GPATCH2: variants seen among roughly 807,000 people sequenced by gnomAD.
GPATCH2 encodes the protein G-patch domain containing 2.
GPATCH2 carries 51 observed loss-of-function variants against 58.0 expected under a neutral mutation model. That is an observed-to-expected ratio of 0.88 (90% CI 0.70 to 1.11). The LOEUF (loss-of-function observed/expected upper bound fraction) is 1.11, where lower values mean the gene tolerates loss of function less well. Ranked by LOEUF, GPATCH2 falls within the 50% of genes most tolerant of loss-of-function variation. The pLI is 0.00. For synonymous variants in GPATCH2, 222 were observed against 218.5 expected (o/e 1.02, Z -0.14); for missense variants, 625 against 652.2 (o/e 0.96, Z 0.45).
chr1:217,618,168 A>C (rs899019151), intron 2 of GPATCH2, among the ~76,000 whole-genome samples: 2 of 151,912 alleles, frequency 1.3e-5, no homozygotes, highest in African/African-American at 4.8e-5. Context: ...TAAGAATGAC[A>C]ATTTTCTTGC....
At chr1:217,499,371 G>A (rs1400872884) in intron 6 of GPATCH2, among the ~76,000 whole-genome samples, 1 of 152,108 alleles carries the variant, frequency 6.6e-6, no homozygotes, top group Non-Finnish European at 1.5e-5. Context: ...CAAAATGTTA[G>A]CTTACTTGCA....
At chr1:217,611,107 C>A in intron 3 of GPATCH2, 36 bp from the exon 4 acceptor site, 1 of 1,566,748 alleles carries the variant, frequency 6.4e-7, no homozygotes, top group South Asian at 1.2e-5. Context: ...CCACCAAAGA[C>A]TCAGTTTTAT....
intron 7 of GPATCH2, among the ~76,000 whole-genome samples, chr1:217,494,426 A>C (rs1414355029): frequency 6.6e-6 from 1 of 152,192 alleles, no homozygotes; most frequent in African/African-American, 2.4e-5. Context: ...GTGTTACTTG[A>C]ACAACATGTA....
intron 8 of GPATCH2, among the ~76,000 whole-genome samples, chr1:217,489,719 G>A (rs889944426): frequency 3.9e-5 from 6 of 152,122 alleles, no homozygotes; most frequent in African/African-American, 1.4e-4. Flanking sequence ...AAAATTAGCC[G>A]GGTGTGGCGG....
intron 5 of GPATCH2, among the ~76,000 whole-genome samples, chr1:217,598,828 T>C (rs955211988): frequency 6.6e-6 from 1 of 152,242 alleles, no homozygotes; most frequent in Non-Finnish European, 1.5e-5. Flanking sequence ...CTGTATGTGC[T>C]AACAGGACTC....
Position 217,609,130 on chromosome 1 carries a change from A to G in GPATCH2, c.1098+1191T>C, listed in dbSNP as rs1051963325. On this transcript the variant is annotated intron_variant, in intron 5 of 9. Transcript: ENST00000366935. The stretch of plus-strand genomic sequence containing the variant: ...AGCTTAATAAAAATATCATTTTAAT[A>G]TAACCATTTTGAAGAACTCAAATGG... 3.4e-6 allele frequency: 3 copies of G among 880,394 alleles called. No individual in the cohort carries two copies. The African/African-American group carries it at 5.4e-5, about 16-fold the overall frequency. 54.5% of individuals were successfully genotyped at this position (880,394 alleles called of 1,614,324 possible). A position where few individuals can be genotyped will look rare whatever the true frequency, so the allele number is the denominator to read the frequency against.
intron 8 of GPATCH2, among the ~76,000 whole-genome samples, chr1:217,471,134 T>A (rs1317769040): frequency 2.0e-5 from 3 of 151,908 alleles, no homozygotes; most frequent in African/African-American, 4.8e-5. Flanking sequence ...AAATGTCGAG[T>A]GATAGAATTT....
intron 5 of GPATCH2, among the ~76,000 whole-genome samples, chr1:217,568,662 A>G (rs545464250): frequency 3.3e-5 from 5 of 152,316 alleles, no homozygotes; most frequent in African/African-American, 9.6e-5. Context: ...CAGTGTTGCT[A>G]GACAGAAATG....
chr1:217,542,993 T>G (rs746924998), intron 5 of GPATCH2, among the ~76,000 whole-genome samples: 44 of 152,296 alleles, frequency 2.9e-4, no homozygotes, highest in Non-Finnish European at 5.9e-4. Flanking sequence ...GCAGGTGGCA[T>G]CTGGGGACAA....
intron 6 of GPATCH2, among the ~76,000 whole-genome samples, chr1:217,502,780 A>C (rs564687501): frequency 1.3e-5 from 2 of 152,240 alleles, no homozygotes; most frequent in East Asian, 1.9e-4. Context: ...CAGGTTTACT[A>C]TCTTGTCTAT....
chr1:217,459,938 G>A (rs746374320), intron 8 of GPATCH2, among the ~76,000 whole-genome samples: 10 of 152,056 alleles, frequency 6.6e-5, no homozygotes, highest in African/African-American at 1.9e-4. Flanking sequence ...GGACAGATAC[G>A]TGCTAAGTTT....
At chr1:217,557,433 T>C (rs540279904) in intron 5 of GPATCH2, among the ~76,000 whole-genome samples, 1 of 147,306 alleles carries the variant, frequency 6.8e-6, no homozygotes, top group East Asian at 2.0e-4. Flanking sequence ...AAAAAAAAAA[T>C]TCCGTTCATT....
At chr1:217,537,604 C>G (rs1032002341) in intron 5 of GPATCH2, among the ~76,000 whole-genome samples, 2 of 152,106 alleles carry the variant, frequency 1.3e-5, no homozygotes, top group African/African-American at 2.4e-5. Context: ...ATTACCACAA[C>G]AAATGAAACC....
chr1:217,543,301 G>A (rs1369668702), intron 5 of GPATCH2, among the ~76,000 whole-genome samples: 2 of 132,258 alleles, frequency 1.5e-5, no homozygotes, highest in Non-Finnish European at 3.1e-5. Context: ...ACAGAGTCTC[G>A]CTCTGTCGCC....
intron 9 of GPATCH2, among the ~76,000 whole-genome samples, chr1:217,442,437 C>G (rs1406358857): frequency 2.0e-5 from 3 of 152,016 alleles, no homozygotes; most frequent in Non-Finnish European, 1.5e-5. Flanking sequence ...ATGTGTATAC[C>G]TATGTAACAA....
intron 8 of GPATCH2, among the ~76,000 whole-genome samples, chr1:217,478,261 A>C (rs1661054983): frequency 6.6e-6 from 1 of 152,186 alleles, no homozygotes; most frequent in South Asian, 2.1e-4. Context: ...AACACTTACA[A>C]GTATCAAGAC....
intron 5 of GPATCH2, among the ~76,000 whole-genome samples, chr1:217,588,589 C>T (rs1456704242): frequency 6.6e-6 from 1 of 152,026 alleles, no homozygotes; most frequent in Admixed American, 6.6e-5. Flanking sequence ...AATTAAATGT[C>T]CTTCAAAATG....
At chr1:217,562,805 C>T (rs1665994458) in intron 5 of GPATCH2, among the ~76,000 whole-genome samples, 1 of 152,186 alleles carries the variant, frequency 6.6e-6, no homozygotes, top group South Asian at 2.1e-4. Context: ...ATAATACTCT[C>T]TAATTCATGC....
At chr1:217,459,291 A>G (rs566214168) in intron 8 of GPATCH2, among the ~76,000 whole-genome samples, 1 of 152,348 alleles carries the variant, frequency 6.6e-6, no homozygotes, top group East Asian at 1.9e-4. Context: ...CATGAACAAT[A>G]AATTACTATG....
Sources: allele counts gnomAD v4.1 joint callset (sites outside exome capture counted in the v4.1 genomes callset), GRCh38; gene constraint gnomAD v4.1.1; transcripts MANE v1.5; gene names NCBI Gene and HGNC (gene_info 2026-07-23, HGNC 2026-07-21).